Variants in INSC observed in about 807,000 individuals in gnomAD.
The protein encoded by INSC is protein inscuteable homolog.
INSC carries 67 observed loss-of-function variants against 58.6 expected under a neutral mutation model. That is an observed-to-expected ratio of 1.14 (90% CI 0.94 to 1.40). The LOEUF is 1.40. Among genes scored for constraint, INSC ranks in the 40% most tolerant of loss-of-function variants. The pLI is 0.00. For synonymous variants in INSC, 262 were observed against 276.1 expected, an observed-to-expected ratio of 0.95 and a Z score of 0.51; for missense variants, 714 against 692.0, an observed-to-expected ratio of 1.03 and a Z score of -0.36.
chr11:15,166,304 C>T (rs1366756129), intron 2 of INSC, among the ~76,000 whole-genome samples: 5 of 152,206 alleles, frequency 3.3e-5, no homozygotes, highest in Non-Finnish European at 5.9e-5. Context: ...TCTACCCAAC[C>T]AGAGCATTGC....
intron 10 of INSC, among the ~76,000 whole-genome samples, chr11:15,236,767 G>A (rs890766597): frequency 5.3e-5 from 8 of 152,210 alleles, no homozygotes; most frequent in African/African-American, 1.9e-4. Context: ...GCCTGTGCCC[G>A]CTGCCTCTGC....
At chr11:15,125,477 A>C (rs1023925932) in intron 1 of INSC, among the ~76,000 whole-genome samples, 11 of 152,240 alleles carry the variant, frequency 7.2e-5, no homozygotes, top group African/African-American at 2.7e-4. Context: ...GAAATGAATT[A>C]GGAGCCTATT....
intron 7 of INSC, among the ~76,000 whole-genome samples, chr11:15,217,010 G>C (rs958145820): frequency 6.6e-6 from 1 of 152,126 alleles, no homozygotes; most frequent in African/African-American, 2.4e-5. Context: ...CTATGAGATT[G>C]GTATTATTCC....
At chr11:15,167,932 C>T (rs955497081) in intron 2 of INSC, among the ~76,000 whole-genome samples, 4 of 152,202 alleles carry the variant, frequency 2.6e-5, no homozygotes, top group African/African-American at 4.8e-5. Flanking sequence ...TATATCTTGG[C>T]GGCTCATGAT....
Position 15,149,243 on chromosome 11 carries a change from G to T in INSC, c.56+13G>T, listed in dbSNP as rs1454442695. 1 of 1,576,812 alleles carries T rather than the reference G, an allele frequency of 6.3e-7. No homozygotes were observed. ...TGCCGGGTCAGCGGTAAGTCCTACA[G>T]CTGTCACTCCAGGCCAGGCCTGCCC... On this transcript the variant is annotated intron_variant, in intron 2 of 12. Coordinates refer to ENST00000379556, the MANE Select transcript of INSC (RefSeq NM_001042536.3).
In INSC at chr11:15,175,903, C is replaced by T. The variant is rs1373375726; in HGVS notation, c.219C>T (p.Pro73=). 1 of 1,614,170 alleles carries T rather than the reference C, an allele frequency of 6.2e-7. No individual in the cohort carries two copies. The highest frequency in any genetic ancestry group is 1.1e-5 in the South Asian group (1 of 91,072). The part of the protein sequence containing the change: ...ILAGGPGPGD[P]LQLLLKRGWV... ...CAGGTGGCCCTGGCCCTGGAGACCC[C>T]CTGCAGCTGCTGCTCAAACGGGGTT... The change falls in exon 3 of 13, where the codon CCC becomes CCT. Residue 73 remains proline, a synonymous_variant. Transcript: ENST00000379556.
the INSC span, among the ~76,000 whole-genome samples, chr11:15,262,655 A>AACACACACACACACAC: frequency 4.5e-3 from 654 of 146,766 alleles, 6 homozygotes; most frequent in South Asian, 0.01. Flanking sequence ...CTGGGTGATA[A>AACACACACACACACAC]ACACACACAC....
At chr11:15,243,141 C>G (rs1852422554) in intron 12 of INSC, among the ~76,000 whole-genome samples, 1 of 152,126 alleles carries the variant, frequency 6.6e-6, no homozygotes, top group Non-Finnish European at 1.5e-5. Context: ...TCCTCTTTTC[C>G]TAGCTCCCAG....
At chr11:15,142,643 G>A (rs958741705) in intron 1 of INSC, among the ~76,000 whole-genome samples, 5 of 152,216 alleles carry the variant, frequency 3.3e-5, no homozygotes, top group South Asian at 2.1e-4. Context: ...CCACTGATCC[G>A]TCTGTCTGTC....
rs546701838 is a variant in INSC, at chr11:15,225,501, G to T, written c.992-149G>T. ...GCCACCTGGGTAGACAGATACTGTT[G>T]CCTCTCTAGTAGCCACTTTCCTCAT... On this transcript the variant is annotated intron_variant, in intron 8 of 12. Coordinates refer to ENST00000379556, the MANE Select transcript of INSC (RefSeq NM_001042536.3). 1.5e-4 allele frequency: 112 copies of T among 729,796 alleles called. 1 individual carries two copies. The highest frequency in any genetic ancestry group is 1.4e-3 in the South Asian group (72 of 51,340). 45.2% of individuals were successfully genotyped at this position (729,796 alleles called of 1,614,324 possible).
At chr11:15,225,861 C>T (rs1253332616) in intron 9 of INSC, 33 bp downstream of exon 9, 1 of 1,593,306 alleles carries the variant, frequency 6.3e-7, no homozygotes, top group African/African-American at 1.3e-5. Context: ...AGCACAGGGC[C>T]CATAGCCATG....
At chr11:15,163,252 G>A (rs545929295) in intron 2 of INSC, among the ~76,000 whole-genome samples, 4 of 152,108 alleles carry the variant, frequency 2.6e-5, no homozygotes, top group Admixed American at 6.5e-5. Flanking sequence ...GGAATTTTCT[G>A]TCTCTTATGG....
intron 8 of INSC, among the ~76,000 whole-genome samples, chr11:15,224,846 G>C (rs1851572663): frequency 6.6e-6 from 1 of 152,202 alleles, no homozygotes; most frequent in Non-Finnish European, 1.5e-5. Flanking sequence ...GGCTAAGCTA[G>C]GACCACTAGG....
At chr11:15,261,052 A>AGTGAAAATTCTGGTGTGTTCTTGCATGG in the INSC span, among the ~76,000 whole-genome samples, 1 of 152,012 alleles carries the variant, frequency 6.6e-6, no homozygotes, top group Admixed American at 6.6e-5. Flanking sequence ...TTCTTGCATG[A>AGTGAAAATTCTGGTGTGTTCTTGCATGG]CTTTGTTAGT....
intron 1 of INSC, among the ~76,000 whole-genome samples, chr11:15,123,287 A>G (rs762763148): frequency 6.6e-6 from 1 of 152,196 alleles, no homozygotes; most frequent in Non-Finnish European, 1.5e-5. Context: ...TATTTATGTA[A>G]TCATTAATGC....
chr11:15,147,102 C>G (rs879738106), intron 1 of INSC, among the ~76,000 whole-genome samples: 2 of 152,146 alleles, frequency 1.3e-5, no homozygotes, highest in African/African-American at 4.8e-5. Context: ...TCTACTTGCT[C>G]CCTGCCATCT....
chr11:15,210,022 G>A (rs1439129166), intron 7 of INSC, among the ~76,000 whole-genome samples: 3 of 152,218 alleles, frequency 2.0e-5, no homozygotes, highest in Admixed American at 6.5e-5. Flanking sequence ...ATGGCCCTAA[G>A]CCCAAGTTCT....
intron 2 of INSC, among the ~76,000 whole-genome samples, chr11:15,149,615 T>C (rs551785319): frequency 6.6e-6 from 1 of 152,270 alleles, no homozygotes; most frequent in South Asian, 2.1e-4. Context: ...AGCATAGAGC[T>C]GATCCTTGGG....
intron 2 of INSC, among the ~76,000 whole-genome samples, chr11:15,172,851 C>T (rs558052726): frequency 1.3e-4 from 19 of 151,864 alleles, no homozygotes; most frequent in East Asian, 5.8e-4. Context: ...GGCCATATCA[C>T]GGAAGCTCTC....
Sources: allele counts gnomAD v4.1 joint callset (sites outside exome capture counted in the v4.1 genomes callset), GRCh38; gene constraint gnomAD v4.1.1; transcripts MANE v1.5; gene names NCBI Gene and HGNC (gene_info 2026-07-23, HGNC 2026-07-21).